TENM3: variants seen among roughly 807,000 people sequenced by gnomAD.
The protein encoded by TENM3 is teneurin transmembrane protein 3, also known as teneurin-3.
In TENM3, 63 loss-of-function variants were observed where a neutral mutation model predicts 255.1. The observed-to-expected ratio is 0.25, with a 90% CI of 0.20 to 0.30. The LOEUF is 0.30. Among genes scored for constraint, TENM3 ranks in the 10% least tolerant of loss-of-function variants. TENM3 has a pLI of 1.00. For synonymous variants in TENM3, 1,306 were observed against 1,322.3 expected, an observed-to-expected ratio of 0.99 and a Z score of 0.27; for missense variants, 2,929 against 3,461.1, an observed-to-expected ratio of 0.85 and a Z score of 3.86.
chr4:182,215,917 A>G (rs1755433447), intron 1 of TENM3, among the ~76,000 whole-genome samples: 1 of 152,214 alleles, frequency 6.6e-6, no homozygotes, highest in Non-Finnish European at 1.5e-5. Context: ...ATAAAACATT[A>G]CAACATGAAA....
At chr4:182,108,911 T>A in the TENM3 span, among the ~76,000 whole-genome samples, 55,672 of 151,854 alleles carry the variant, frequency 0.37, 10,327 homozygotes, top group African/African-American at 0.4. Context: ...AGTGTATGAA[T>A]AATAGTACTT....
chr4:181,496,160 T>C, the TENM3 span, among the ~76,000 whole-genome samples: 1 of 147,622 alleles, frequency 6.8e-6, no homozygotes, highest in Non-Finnish European at 1.5e-5. Flanking sequence ...CCTCAAGAAA[T>C]CTGAAGAGGC....
At chr4:181,669,290 T>G in the TENM3 span, among the ~76,000 whole-genome samples, 1 of 152,116 alleles carries the variant, frequency 6.6e-6, no homozygotes, top group Non-Finnish European at 1.5e-5. Context: ...ATAGTATAAT[T>G]ATCATCCACC....
At chr4:182,031,759 G>T in the TENM3 span, among the ~76,000 whole-genome samples, 1 of 152,050 alleles carries the variant, frequency 6.6e-6, no homozygotes, top group African/African-American at 2.4e-5. Context: ...CCTTGAAGAG[G>T]TCCTTTACCT....
chr4:181,637,089 A>AG, the TENM3 span, among the ~76,000 whole-genome samples: 1 of 152,194 alleles, frequency 6.6e-6, no homozygotes, highest in East Asian at 1.9e-4. Flanking sequence ...CAGGTCTCCA[A>AG]GTGAAGGCCA....
At chr4:182,554,183 CTCT>C (rs1349624341) in intron 3 of TENM3, among the ~76,000 whole-genome samples, 1 of 152,164 alleles carries the variant, frequency 6.6e-6, no homozygotes, top group African/African-American at 2.4e-5. Flanking sequence ...TGAGTTTTAT[CTCT>C]TCTTCATCCT....
At chr4:182,476,648 A>T (rs1733709824) in intron 3 of TENM3, among the ~76,000 whole-genome samples, 1 of 152,178 alleles carries the variant, frequency 6.6e-6, no homozygotes, top group Non-Finnish European at 1.5e-5. Context: ...GAATTTACTC[A>T]TGCTTTCCTT....
chr4:182,073,126 G>A, the TENM3 span, among the ~76,000 whole-genome samples: 2 of 152,178 alleles, frequency 1.3e-5, no homozygotes, highest in African/African-American at 4.8e-5. Context: ...AGAGGCCTCT[G>A]GAAACTTACA....
chr4:181,793,920 G>C, the TENM3 span, among the ~76,000 whole-genome samples: 1 of 152,240 alleles, frequency 6.6e-6, no homozygotes, highest in East Asian at 1.9e-4. Context: ...TATGATTAGG[G>C]CTGGTCCTAT....
At chr4:182,347,853 A>G (rs1351352433) in intron 3 of TENM3, among the ~76,000 whole-genome samples, 1 of 152,218 alleles carries the variant, frequency 6.6e-6, no homozygotes, top group African/African-American at 2.4e-5. Context: ...TATCCTATGC[A>G]TCAAAAAGCA....
the TENM3 span, among the ~76,000 whole-genome samples, chr4:181,696,244 C>T: frequency 9.3e-3 from 1,418 of 152,106 alleles, 19 homozygotes; most frequent in African/African-American, 0.032. Flanking sequence ...GTAATGATAC[C>T]GTATGTTGCC....
At chr4:181,484,800 C>T in the TENM3 span, among the ~76,000 whole-genome samples, 11 of 151,926 alleles carry the variant, frequency 7.2e-5, no homozygotes, top group East Asian at 1.9e-4. Context: ...GGGAAAGAGG[C>T]GGTAATGAAA....
chr4:181,904,338 T>A, the TENM3 span, among the ~76,000 whole-genome samples: 1 of 152,116 alleles, frequency 6.6e-6, no homozygotes, highest in Non-Finnish European at 1.5e-5. Flanking sequence ...AAGCAGATCA[T>A]GTAACTTACA....
At chr4:182,265,126 T>C (rs1019340939) in intron 1 of TENM3, among the ~76,000 whole-genome samples, 2 of 152,136 alleles carry the variant, frequency 1.3e-5, no homozygotes, top group African/African-American at 2.4e-5. Flanking sequence ...GGCAGGTAGT[T>C]CCCTCTCAAA....
chr4:182,018,215 C>T, the TENM3 span, among the ~76,000 whole-genome samples: 135 of 152,214 alleles, frequency 8.9e-4, 1 homozygote, highest in Non-Finnish European at 1.7e-3. Flanking sequence ...TGCTAACTTT[C>T]TTCTGGTCTG....
the TENM3 span, among the ~76,000 whole-genome samples, chr4:181,862,074 G>T: frequency 6.6e-6 from 1 of 152,174 alleles, no homozygotes; most frequent in African/African-American, 2.4e-5. Context: ...TTGTGTTAAC[G>T]TTTAAGACGT....
At chr4:181,923,611 T>C in the TENM3 span, among the ~76,000 whole-genome samples, 1 of 152,112 alleles carries the variant, frequency 6.6e-6, no homozygotes, top group Non-Finnish European at 1.5e-5. Flanking sequence ...TAAATCAAGA[T>C]GTAAACAAAC....
At chr4:182,788,959 T>C in intron 24 of TENM3, 134 bp from the exon 25 acceptor site, 1 of 746,418 alleles carries the variant, frequency 1.3e-6, no homozygotes, top group Middle Eastern at 3.7e-4. Context: ...TGCCTTGCAC[T>C]TGTACCCAAG....
At chr4:182,338,472 C>T (rs1401982509) in intron 2 of TENM3, among the ~76,000 whole-genome samples, 1 of 152,138 alleles carries the variant, frequency 6.6e-6, no homozygotes, top group Non-Finnish European at 1.5e-5. Flanking sequence ...TAGATATAGA[C>T]TACTTATTTT....
Sources: gnomAD v4.1 joint callset for allele counts (sites outside exome capture counted in the v4.1 genomes callset) on GRCh38, gnomAD v4.1.1 for gene constraint, MANE v1.5 for transcripts, NCBI Gene and HGNC (gene_info 2026-07-23, HGNC 2026-07-21) for gene names.